Variants in LRP1B observed in about 807,000 individuals in gnomAD.
LRP1B encodes LDL receptor related protein 1B.
A neutral mutation model predicts 556.6 loss-of-function variants in LRP1B; 217 were observed. That is an observed-to-expected ratio of 0.39 (90% CI 0.35 to 0.44). The LOEUF (loss-of-function observed/expected upper bound fraction) is 0.44. Ranked by LOEUF, LRP1B falls within the 20% of genes least tolerant of loss-of-function variation. LRP1B has a pLI of 1.00. For missense variants in LRP1B, 5,053 were observed against 5,620.8 expected, an observed-to-expected ratio of 0.90 and a Z score of 3.23; for synonymous variants, 2,047 against 1,865.8, an observed-to-expected ratio of 1.10 and a Z score of -2.50.
chr2:141,998,375 G>A (rs968734617), intron 1 of LRP1B, among the ~76,000 whole-genome samples: 1 of 151,886 alleles, frequency 6.6e-6, no homozygotes, highest in African/African-American at 2.4e-5. Context: ...ACAAAATTTG[G>A]GTTAGAGGCA....
At chr2:141,978,359 C>A (rs1330528383) in intron 1 of LRP1B, among the ~76,000 whole-genome samples, 1 of 151,980 alleles carries the variant, frequency 6.6e-6, no homozygotes, top group Non-Finnish European at 1.5e-5. Context: ...TGCATTAAAA[C>A]AGCATTTTGG....
intron 14 of LRP1B, among the ~76,000 whole-genome samples, chr2:141,010,267 T>C (rs1219179688): frequency 6.6e-6 from 1 of 152,062 alleles, no homozygotes; most frequent in Non-Finnish European, 1.5e-5. Flanking sequence ...TTTTACACAA[T>C]TGCTGCTCTT....
intron 35 of LRP1B, among the ~76,000 whole-genome samples, chr2:140,726,500 T>C (rs1330423009): frequency 6.6e-6 from 1 of 152,164 alleles, no homozygotes; most frequent in Non-Finnish European, 1.5e-5. Context: ...GCTGGCTACA[T>C]TCCTGTTTGC....
chr2:142,118,074 A>C (rs1358791076), intron 1 of LRP1B, among the ~76,000 whole-genome samples: 1 of 151,764 alleles, frequency 6.6e-6, no homozygotes, highest in Non-Finnish European at 1.5e-5. Flanking sequence ...GTTGCCAATC[A>C]TTTTCTTTTG....
chr2:141,471,269 T>TGTTTTTGTTTTTG (rs58189454), intron 3 of LRP1B, among the ~76,000 whole-genome samples: 10 of 119,410 alleles, frequency 8.4e-5, no homozygotes, highest in South Asian at 5.4e-4. Context: ...TACCCTGGTA[T>TGTTTTTGTTTTTG]TTTTTTTTTT....
intron 35 of LRP1B, among the ~76,000 whole-genome samples, chr2:140,741,964 T>C (rs1688156888): frequency 6.6e-6 from 1 of 152,224 alleles, no homozygotes; most frequent in Non-Finnish European, 1.5e-5. Flanking sequence ...GGCTGCATCA[T>C]ATTCCATACA....
intron 7 of LRP1B, among the ~76,000 whole-genome samples, chr2:141,081,470 C>G (rs1169336188): frequency 6.6e-6 from 1 of 152,156 alleles, no homozygotes; most frequent in Non-Finnish European, 1.5e-5. Context: ...TTACGCACTT[C>G]GTGTTTCATA....
chr2:141,267,479 G>A (rs1276866974), intron 3 of LRP1B, among the ~76,000 whole-genome samples: 2 of 152,146 alleles, frequency 1.3e-5, no homozygotes, highest in Non-Finnish European at 1.5e-5. Flanking sequence ...AGAGTACAAG[G>A]TGCATTGGAC....
At chr2:141,582,746 T>TA (rs1686992311) in intron 2 of LRP1B, among the ~76,000 whole-genome samples, 1 of 150,966 alleles carries the variant, frequency 6.6e-6, no homozygotes, top group Non-Finnish European at 1.5e-5. Context: ...TTATCAAACA[T>TA]CTATTGAAGC....
chr2:140,416,060 G>A (rs751485232), intron 66 of LRP1B, among the ~76,000 whole-genome samples: 16 of 152,134 alleles, frequency 1.1e-4, no homozygotes, highest in African/African-American at 1.7e-4. Context: ...GAACCAGGCC[G>A]CACAGCAGGA....
intron 35 of LRP1B, among the ~76,000 whole-genome samples, chr2:140,718,670 C>G (rs1409423878): frequency 1.3e-5 from 2 of 152,200 alleles, no homozygotes; most frequent in Non-Finnish European, 2.9e-5. Flanking sequence ...ACCAAACTCT[C>G]TAGTCACTTC....
At chr2:140,849,331 C>T (rs1259544458) in intron 29 of LRP1B, among the ~76,000 whole-genome samples, 1 of 149,032 alleles carries the variant, frequency 6.7e-6, no homozygotes, top group Non-Finnish European at 1.5e-5. Context: ...GAGATCGTGC[C>T]ACTGCGCTGC....
At chr2:141,781,792 G>C (rs1313846339) in intron 2 of LRP1B, among the ~76,000 whole-genome samples, 1 of 152,098 alleles carries the variant, frequency 6.6e-6, no homozygotes, top group East Asian at 1.9e-4. Flanking sequence ...TTCTGAGAGA[G>C]CTAGGGAAAC....
intron 1 of LRP1B, among the ~76,000 whole-genome samples, chr2:141,870,142 C>T (rs906749260): frequency 6.6e-6 from 1 of 151,964 alleles, no homozygotes; most frequent in Non-Finnish European, 1.5e-5. Context: ...CATGATTTCA[C>T]AGTTATAATA....
At chr2:141,718,385 C>CAT (rs1462236975) in intron 2 of LRP1B, among the ~76,000 whole-genome samples, 1 of 152,140 alleles carries the variant, frequency 6.6e-6, no homozygotes, top group Non-Finnish European at 1.5e-5. Context: ...TTGTTCATGG[C>CAT]ACTAAATATA....
chr2:141,646,030 T>G (rs1689550424), intron 2 of LRP1B, among the ~76,000 whole-genome samples: 1 of 152,142 alleles, frequency 6.6e-6, no homozygotes, highest in Admixed American at 6.6e-5. Flanking sequence ...TTCTACATAC[T>G]TCATGTCATG....
At chr2:141,314,800 A>G in intron 3 of LRP1B, among the ~76,000 whole-genome samples, 1 of 102,354 alleles carries the variant, frequency 9.8e-6, no homozygotes, top group East Asian at 2.8e-4. Context: ...CAAAAGAAAA[A>G]AAAAAAAATT....
chr2:140,374,682 T>C (rs1462984135), intron 68 of LRP1B, among the ~76,000 whole-genome samples: 2 of 152,068 alleles, frequency 1.3e-5, no homozygotes, highest in Admixed American at 6.6e-5. Context: ...CTAGCAAATA[T>C]AGAAAACAAA....
chr2:141,105,217 A>G (rs1443158401), intron 7 of LRP1B, among the ~76,000 whole-genome samples: 1 of 152,138 alleles, frequency 6.6e-6, no homozygotes, highest in African/African-American at 2.4e-5. Flanking sequence ...AATGTGGGGA[A>G]AAACTGACAG....
Sources: gnomAD v4.1 joint callset for allele counts (sites outside exome capture counted in the v4.1 genomes callset) on GRCh38, gnomAD v4.1.1 for gene constraint, MANE v1.5 for transcripts, NCBI Gene and HGNC (gene_info 2026-07-23, HGNC 2026-07-21) for gene names.